The following DAB1 variants were observed in gnomAD, a reference collection of about 807,000 sequenced individuals.
The protein encoded by DAB1 is DAB adaptor protein 1.
DAB1 carries 15 observed loss-of-function variants against 64.6 expected under a neutral mutation model. That is an observed-to-expected ratio of 0.23 (90% CI 0.16 to 0.36). The LOEUF is 0.36. Among genes scored for constraint, DAB1 ranks in the 10% least tolerant of loss-of-function variants. The pLI is 1.00. For missense variants in DAB1, 596 were observed against 706.7 expected (o/e 0.84, Z 1.78); for synonymous variants, 235 against 251.9 (o/e 0.93, Z 0.64).
At chr1:57,141,694 C>T (rs1324968394) in intron 3 of DAB1, among the ~76,000 whole-genome samples, 1 of 152,110 alleles carries the variant, frequency 6.6e-6, no homozygotes, top group African/African-American at 2.4e-5. Flanking sequence ...CAGGCACTGC[C>T]TTTGGAGACC....
intron 7 of DAB1, among the ~76,000 whole-genome samples, chr1:57,594,295 G>A (rs1055962723): frequency 1.3e-5 from 2 of 152,174 alleles, no homozygotes; most frequent in Non-Finnish European, 2.9e-5. Context: ...CATTTTTCAA[G>A]GCTGCCTTAG....
intron 7 of DAB1, among the ~76,000 whole-genome samples, chr1:57,483,100 G>T (rs569713842): frequency 6.6e-6 from 1 of 152,282 alleles, no homozygotes; most frequent in Non-Finnish European, 1.5e-5. Flanking sequence ...GTAAAAATAT[G>T]CATGGGAAAA....
chr1:58,054,836 T>C (rs74076032), intron 5 of DAB1, among the ~76,000 whole-genome samples: 8,512 of 152,172 alleles, frequency 0.056, 796 homozygotes, highest in African/African-American at 0.2. Flanking sequence ...AACGAGGCCT[T>C]GGAGTTGGAG....
rs575158138 is a variant in DAB1, at chr1:57,712,190, C to T, written n.552-62525G>A. 5.9e-5 allele frequency among the ~76,000 whole-genome samples: 9 copies of T among 152,242 alleles called. No individual in the cohort carries two copies. In the South Asian group the frequency reaches 1.5e-3, roughly 25 times the overall value. ...ATGTTATTACTTCATTTTAGAAACA[C>T]GGTTCTGCTTAGCACATCAACATAA... is the stretch of plus-strand genomic sequence containing the variant. On this transcript the variant is annotated intron_variant and non_coding_transcript_variant, in intron 6 of 20. Coordinates refer to the DAB1 transcript ENST00000485760.
intron 2 of DAB1, among the ~76,000 whole-genome samples, chr1:57,218,392 T>A (rs919394234): frequency 1.3e-5 from 2 of 151,740 alleles, no homozygotes; most frequent in Non-Finnish European, 2.9e-5. Context: ...AAAGCTTTCA[T>A]AACCAGAGCA....
intron 2 of DAB1, among the ~76,000 whole-genome samples, chr1:57,214,924 A>AAAAG (rs1290858261): frequency 2.3e-4 from 35 of 151,164 alleles, no homozygotes; most frequent in Non-Finnish European, 4.6e-4. Flanking sequence ...AAAAAAAAAA[A>AAAAG]AAAAAAGAAA....
intron 4 of DAB1, among the ~76,000 whole-genome samples, chr1:57,081,115 T>C (rs1428038795): frequency 2.0e-5 from 3 of 152,206 alleles, no homozygotes; most frequent in African/African-American, 4.8e-5. Flanking sequence ...GTACTGTATA[T>C]AGAAGGATTT....
At chr1:58,497,746 G>A (rs1427677908) in intron 3 of DAB1, among the ~76,000 whole-genome samples, 2 of 152,144 alleles carry the variant, frequency 1.3e-5, no homozygotes, top group Non-Finnish European at 2.9e-5. Context: ...TATCAACAAA[G>A]AAGGTACAAT....
chr1:57,666,451 T>C (rs963148807), intron 6 of DAB1, among the ~76,000 whole-genome samples: 4 of 152,140 alleles, frequency 2.6e-5, no homozygotes, highest in African/African-American at 9.7e-5. Context: ...TTGGCTTGGA[T>C]GCTTGTTTCC....
chr1:57,796,457 G>A (rs978528433), intron 6 of DAB1, among the ~76,000 whole-genome samples: 1 of 152,036 alleles, frequency 6.6e-6, no homozygotes, highest in Non-Finnish European at 1.5e-5. Flanking sequence ...AACCCGGGAG[G>A]TGGAGCTTCC....
At chr1:57,566,321 G>A (rs937314246) in intron 7 of DAB1, among the ~76,000 whole-genome samples, 1 of 152,100 alleles carries the variant, frequency 6.6e-6, no homozygotes, top group Non-Finnish European at 1.5e-5. Flanking sequence ...AAAGAGAAAG[G>A]AGGAAAGATC....
At chr1:57,482,400 C>G (rs771742028) in intron 7 of DAB1, among the ~76,000 whole-genome samples, 1 of 148,194 alleles carries the variant, frequency 6.7e-6, no homozygotes, top group Non-Finnish European at 1.5e-5. Context: ...AAGTCATTAC[C>G]TCGAAGTACT....
In DAB1 at chr1:57,961,622, C is replaced by T. The variant is rs137912308; in HGVS notation, n.388-77460G>A. Among the ~76,000 whole-genome samples the T allele has an allele frequency of 2.2e-3, 336 of 152,264 alleles. 2 individuals are homozygous for T. The highest frequency in any genetic ancestry group is 7.8e-3 in the African/African-American group (325 of 41,560). On this transcript the variant is annotated intron_variant and non_coding_transcript_variant, in intron 5 of 20. Coordinates refer to the DAB1 transcript ENST00000485760. ...AGTCCATAAAGAATTGTACTGGGACCCAAATTCTTTTTTCTAAAAAGTTAG... is the reference window on the plus strand; with the variant it reads ...AGTCCATAAAGAATTGTACTGGGACTCAAATTCTTTTTTCTAAAAAGTTAG...
intron 1 of DAB1, among the ~76,000 whole-genome samples, chr1:57,390,756 A>G (rs1035975745): frequency 2.0e-5 from 3 of 152,172 alleles, no homozygotes; most frequent in Admixed American, 6.5e-5. Context: ...AGCCTATCTT[A>G]ATCTTCCCAA....
intron 4 of DAB1, among the ~76,000 whole-genome samples, chr1:58,296,233 GA>G (rs1403619813): frequency 6.6e-6 from 1 of 150,656 alleles, no homozygotes; most frequent in Non-Finnish European, 1.5e-5. Context: ...AAGAAAGAAA[GA>G]AAGAAAGAAA....
intron 7 of DAB1, among the ~76,000 whole-genome samples, chr1:57,525,939 C>CT (rs11299622): frequency 0.04 from 5,506 of 137,688 alleles, 343 homozygotes; most frequent in African/African-American, 0.13. Flanking sequence ...AATAGCATTT[C>CT]TTTTTTTTTT....
intron 1 of DAB1, among the ~76,000 whole-genome samples, chr1:57,376,087 T>C (rs969068131): frequency 6.6e-6 from 1 of 152,222 alleles, no homozygotes; most frequent in Non-Finnish European, 1.5e-5. Flanking sequence ...CTAAAGTTCC[T>C]TTCCATTATG....
At chr1:57,888,721 A>G (rs529487338), upstream of DAB1, among the ~76,000 whole-genome samples, 4 of 152,336 alleles carry the variant, frequency 2.6e-5, no homozygotes, top group South Asian at 8.3e-4. Context: ...CTTGTGTTTT[A>G]TCGCCAATAG....
intron 4 of DAB1, among the ~76,000 whole-genome samples, chr1:58,203,226 C>T (rs1225987315): frequency 2.6e-5 from 4 of 152,144 alleles, no homozygotes; most frequent in Non-Finnish European, 5.9e-5. Context: ...TGATTATAAA[C>T]TCTTAAGTAA....
Sources: allele counts gnomAD v4.1 joint callset (sites outside exome capture counted in the v4.1 genomes callset), GRCh38; gene constraint gnomAD v4.1.1; transcripts MANE v1.5; gene names NCBI Gene and HGNC (gene_info 2026-07-23, HGNC 2026-07-21).